The following TRMT9B variants were observed in gnomAD, a reference collection of about 807,000 sequenced individuals.
TRMT9B encodes the protein tRNA methyltransferase 9B (putative), also known as probable tRNA methyltransferase 9B.
TRMT9B carries 16 observed loss-of-function variants against 11.5 expected under a neutral mutation model. That is an observed-to-expected ratio of 1.39 (90% CI 0.94 to 2.11). The LOEUF (loss-of-function observed/expected upper bound fraction) is 2.11, where lower values mean the gene tolerates loss of function less well. TRMT9B is among the 30% of genes most tolerant of loss of function. The pLI is 0.00. For missense variants in TRMT9B, 941 were observed against 553.8 expected (o/e 1.70, Z -7.02); for synonymous variants, 274 against 192.4 (o/e 1.42, Z -3.51).
chr8:12,990,002 G>T (rs935118968), intron 1 of TRMT9B, among the ~76,000 whole-genome samples: 7 of 152,186 alleles, frequency 4.6e-5, no homozygotes, highest in African/African-American at 1.7e-4. Flanking sequence ...GCCAGGACTA[G>T]GGTTGGGCTG....
At chr8:12,979,383 C>T (rs1186961692) in intron 1 of TRMT9B, among the ~76,000 whole-genome samples, 1 of 152,052 alleles carries the variant, frequency 6.6e-6, no homozygotes, top group Non-Finnish European at 1.5e-5. Context: ...GACAATCAAG[C>T]CTGTGTCGAG....
intron 2 of TRMT9B, among the ~76,000 whole-genome samples, chr8:12,995,644 C>A (rs533517087): frequency 6.6e-6 from 1 of 152,212 alleles, no homozygotes; most frequent in East Asian, 1.9e-4. Flanking sequence ...TTTACTGATA[C>A]ACATGTTTGT....
At chr8:12,996,604 TG>T (rs1367757346) in intron 2 of TRMT9B, among the ~76,000 whole-genome samples, 1 of 152,218 alleles carries the variant, frequency 6.6e-6, no homozygotes, top group Non-Finnish European at 1.5e-5. Context: ...CTCATGGGAA[TG>T]GCAGAACACA....
At chr8:13,005,526 A>G (rs1183722673) in intron 2 of TRMT9B, among the ~76,000 whole-genome samples, 1 of 152,206 alleles carries the variant, frequency 6.6e-6, no homozygotes, top group Non-Finnish European at 1.5e-5. Context: ...GCCTGTATCA[A>G]AACATCTCAT....
At position 12,981,894 on chromosome 8, in the gene TRMT9B, A is replaced by G. The variant is rs946246475; in HGVS notation, c.-199-8940A>G. ...TTGGGAGGTGACAACGTTTTCATCA[A>G]TCTGTAGTGAAATGAGAAAATTAAA... is the stretch of plus-strand genomic sequence containing the variant. On this transcript the variant is annotated intron_variant, in intron 1 of 4. Coordinates refer to ENST00000524591, the MANE Select transcript of TRMT9B (RefSeq NM_020844.3). Among the ~76,000 whole-genome samples, 11 of 152,190 alleles carry G rather than the reference A, an allele frequency of 7.2e-5. No homozygotes were observed. The South Asian group carries it at 1.9e-3, about 26-fold the overall frequency.
intron 1 of TRMT9B, chr8:12,952,067 A>AG: frequency 2.9e-6 from 1 of 349,762 alleles, no homozygotes; most frequent in Non-Finnish European, 5.8e-6. Context: ...AAATAGGTCA[A>AG]GGGGTGGAAG....
In TRMT9B at chr8:13,022,434, A is replaced by T. The variant is rs1479312115; in HGVS notation, c.*390A>T. On this transcript the variant is annotated 3_prime_UTR_variant, in exon 5 of 5. Transcript: ENST00000524591. Reference sequence around the variant, plus strand: ...AACGGTATTTTTATAAAGTGAGGGGATAATTTCTGGTTCTCAGGTTATAAC... The same window carrying T: ...AACGGTATTTTTATAAAGTGAGGGGTTAATTTCTGGTTCTCAGGTTATAAC... The T allele has an allele frequency of 5.7e-6, 1 of 175,114 alleles. No homozygotes were observed. The highest frequency in any genetic ancestry group is 1.9e-4 in the East Asian group (1 of 5,352). 10.8% of individuals were successfully genotyped at this position (175,114 alleles called of 1,614,324 possible). A position where few individuals can be genotyped will look rare whatever the true frequency, so the allele number is the denominator to read the frequency against.
intron 1 of TRMT9B, among the ~76,000 whole-genome samples, chr8:12,947,025 C>T (rs575156413): frequency 1.3e-5 from 2 of 152,268 alleles, no homozygotes; most frequent in East Asian, 1.9e-4. Context: ...GGGACTCCAG[C>T]CCGTGAACAT....
chr8:13,012,712 G>C lies in TRMT9B; in HGVS notation c.183G>C (p.Val61=), dbSNP rs367913787. ...GTGGGACTGGAAAATATCTTAAAGTGAACAGCCAGGTACATACCGTGGGCT... is the reference window on the plus strand; with the variant it reads ...GTGGGACTGGAAAATATCTTAAAGTCAACAGCCAGGTACATACCGTGGGCT... ...IGCGTGKYLK[V]NSQVHTVGCD... Residue 61 remains valine (V), a synonymous_variant, in exon 4 of 5, where the codon GTG becomes GTC. Transcript: ENST00000524591. 96 of 1,613,718 alleles carry C rather than the reference G, an allele frequency of 5.9e-5. No homozygotes were observed. The East Asian group carries it at 7.4e-4, about 12-fold the overall frequency.
intron 1 of TRMT9B, among the ~76,000 whole-genome samples, chr8:12,980,916 C>G (rs1805263172): frequency 1.3e-5 from 2 of 152,292 alleles, no homozygotes; most frequent in Non-Finnish European, 2.9e-5. Flanking sequence ...CAGGAAGTCA[C>G]TATGCGAATT....
intron 1 of TRMT9B, 129 bp downstream of exon 1, chr8:12,946,095 T>G (rs1800252047): frequency 6.6e-6 from 1 of 152,204 alleles, no homozygotes; most frequent in Admixed American, 6.5e-5. Context: ...TCCCCATTGC[T>G]TTTCTCACAG....
intron 1 of TRMT9B, among the ~76,000 whole-genome samples, chr8:12,988,857 A>C (rs1205050939): frequency 2.0e-5 from 3 of 152,194 alleles, no homozygotes; most frequent in African/African-American, 4.8e-5. Context: ...AAGGCAAGGC[A>C]TGAGTTTGGG....
chr8:12,991,597 T>C (rs927936360), intron 2 of TRMT9B, among the ~76,000 whole-genome samples: 2 of 152,210 alleles, frequency 1.3e-5, no homozygotes, highest in Admixed American at 1.3e-4. Flanking sequence ...TATTTCTTTT[T>C]AGTTATGAAA....
At chr8:13,003,828 A>G (rs548343018) in intron 2 of TRMT9B, among the ~76,000 whole-genome samples, 12 of 150,344 alleles carry the variant, frequency 8.0e-5, no homozygotes, top group Non-Finnish European at 1.8e-4. Context: ...AAGCACCTAC[A>G]TAAGAACCAA....
rs1277395444 is a variant in TRMT9B at position 13,026,708 on chromosome 8, G to C, written c.*4664G>C. ...TTGCTTAAGGTTACACACATAGTAG[G>C]TATCACACATTTAGTTAGAGGCAGA... On this transcript the variant is annotated 3_prime_UTR_variant, in exon 5 of 5. Transcript: ENST00000524591. 1 of 167,080 alleles carries C rather than the reference G, an allele frequency of 6.0e-6. No homozygotes were observed. The highest frequency in any genetic ancestry group is 2.4e-5 in the African/African-American group (1 of 41,452). 10.3% of individuals were successfully genotyped at this position (167,080 alleles called of 1,614,324 possible).
At chr8:13,015,248 A>C (rs2466245) in intron 4 of TRMT9B, among the ~76,000 whole-genome samples, 1 of 151,326 alleles carries the variant, frequency 6.6e-6, no homozygotes. Flanking sequence ...TATTTTTCGA[A>C]GCAATGTTTT....
At chr8:12,950,269 G>A (rs1385197109) in intron 1 of TRMT9B, among the ~76,000 whole-genome samples, 2 of 152,158 alleles carry the variant, frequency 1.3e-5, no homozygotes, top group Non-Finnish European at 2.9e-5. Context: ...GTTAAGGTAG[G>A]TTACTTTCCT....
chr8:13,013,450 A>T (rs961930220), intron 4 of TRMT9B, among the ~76,000 whole-genome samples: 3 of 152,174 alleles, frequency 2.0e-5, no homozygotes, highest in African/African-American at 4.8e-5. Flanking sequence ...AACAAGTGTG[A>T]CCAGAAAACA....
intron 1 of TRMT9B, among the ~76,000 whole-genome samples, chr8:12,950,699 G>C (rs186642209): frequency 1.5e-4 from 23 of 152,290 alleles, no homozygotes; most frequent in African/African-American, 5.5e-4. Flanking sequence ...AACGATTCCA[G>C]AATCAGAAAC....
Sources: allele counts gnomAD v4.1 joint callset (sites outside exome capture counted in the v4.1 genomes callset), GRCh38; gene constraint gnomAD v4.1.1; transcripts MANE v1.5; gene names NCBI Gene and HGNC (gene_info 2026-07-23, HGNC 2026-07-21).